Variants in DLG2 observed in about 807,000 individuals in gnomAD.
DLG2 encodes disks large homolog 2.
Under a neutral mutation model 132.5 loss-of-function variants are expected in DLG2, and 45 were observed. That is an observed-to-expected ratio of 0.34 (90% CI 0.27 to 0.44). DLG2 has a LOEUF of 0.44. Among genes scored for constraint, DLG2 ranks in the 20% least tolerant of loss-of-function variants. The pLI, the probability that DLG2 is intolerant of heterozygous loss-of-function variation, is 1.00. For missense variants in DLG2, 1,045 were observed against 1,196.9 expected (o/e 0.87, Z 1.87); for synonymous variants, 424 against 419.6 (o/e 1.01, Z -0.13).
chr11:83,518,760 A>G (rs767301518), intron 21 of DLG2, among the ~76,000 whole-genome samples: 12 of 152,246 alleles, frequency 7.9e-5, no homozygotes, highest in Non-Finnish European at 1.5e-4. Context: ...TCAGAGTCTT[A>G]GCATATATAT....
intron 7 of DLG2, among the ~76,000 whole-genome samples, chr11:84,366,154 A>C (rs2098681116): frequency 6.6e-6 from 1 of 152,098 alleles, no homozygotes; most frequent in Non-Finnish European, 1.5e-5. Context: ...GTGGGGGCCA[A>C]TATTCAACAT....
At chr11:84,523,256 C>T (rs547038456) in intron 7 of DLG2, among the ~76,000 whole-genome samples, 3 of 152,078 alleles carry the variant, frequency 2.0e-5, no homozygotes, top group East Asian at 1.9e-4. Context: ...AGACTTTCCA[C>T]GTATTATCTC....
intron 15 of DLG2, among the ~76,000 whole-genome samples, chr11:83,906,810 A>G (rs2075075334): frequency 6.6e-6 from 1 of 152,160 alleles, no homozygotes; most frequent in Non-Finnish European, 1.5e-5. Context: ...GCCTAAAAAT[A>G]TCCCCTGTCA....
At chr11:84,007,123 G>A (rs771603607) in intron 11 of DLG2, among the ~76,000 whole-genome samples, 30 of 151,630 alleles carry the variant, frequency 2.0e-4, no homozygotes, top group Non-Finnish European at 3.5e-4. Context: ...TTGCATCCTA[G>A]GAAAGAGTGG....
At chr11:85,346,837 C>T (rs1466698566) in intron 3 of DLG2, among the ~76,000 whole-genome samples, 1 of 151,806 alleles carries the variant, frequency 6.6e-6, no homozygotes, top group Non-Finnish European at 1.5e-5. Flanking sequence ...ATTCCCTTAA[C>T]AGGTGGGAGG....
rs566062552 is a variant in DLG2 at position 84,301,644 on chromosome 11, C to T, written c.520-50353G>A. 5.6e-4 allele frequency among the ~76,000 whole-genome samples: 59 copies of T among 104,892 alleles called. 1 individual carries two copies. The Admixed American group carries it at 7.5e-3, about 13-fold the overall frequency. 68.8% of individuals were successfully genotyped at this position (104,892 alleles called of 152,430 possible). On this transcript the variant is annotated intron_variant, in intron 7 of 27. Coordinates refer to ENST00000376104, the MANE Select transcript of DLG2 (RefSeq NM_001142699.3). ...ACTGCACTCCAGCCTGGGTGACAGG[C>T]GAGACTCAAAAAAAAAAAAAAAAAA...
chr11:85,095,881 T>A (rs1023573075), intron 6 of DLG2, among the ~76,000 whole-genome samples: 12 of 152,200 alleles, frequency 7.9e-5, no homozygotes, highest in African/African-American at 2.9e-4. Context: ...TTAATTCATT[T>A]CTCTTCTTCT....
chr11:83,971,049 T>C (rs1431456024), intron 12 of DLG2, among the ~76,000 whole-genome samples: 1 of 152,190 alleles, frequency 6.6e-6, no homozygotes, highest in African/African-American at 2.4e-5. Context: ...CTGGAGCTGA[T>C]TGTATGCAAT....
chr11:84,713,212 C>T (rs1015745019), intron 6 of DLG2, among the ~76,000 whole-genome samples: 5 of 152,090 alleles, frequency 3.3e-5, no homozygotes, highest in African/African-American at 9.6e-5. Context: ...GTGTATATTC[C>T]AAATCTAACC....
At chr11:84,839,239 C>T (rs192849512) in intron 6 of DLG2, among the ~76,000 whole-genome samples, 86 of 152,188 alleles carry the variant, frequency 5.7e-4, no homozygotes, top group African/African-American at 2.0e-3. Flanking sequence ...AATTCCCATT[C>T]ACAATTGCTG....
At chr11:84,208,410 C>T (rs1355544368) in intron 8 of DLG2, among the ~76,000 whole-genome samples, 1 of 144,738 alleles carries the variant, frequency 6.9e-6, no homozygotes, top group African/African-American at 2.6e-5. Context: ...GTGGTGCAAT[C>T]TCAGCCTACG....
rs555914719 is a variant in DLG2, at chr11:85,402,582, A to C, written c.41-117217T>G. Among the ~76,000 whole-genome samples, 3 of 152,330 alleles carry C rather than the reference A, an allele frequency of 2.0e-5. No individual in the cohort carries two copies. In the East Asian group the frequency reaches 5.8e-4, roughly 29 times the overall value. ...CTACAGAATGGGAGAAAATCTTTGC[A>C]ATCTACCCATCTGACAAAGGGCTAA... On this transcript the variant is annotated intron_variant, in intron 3 of 27. Coordinates refer to ENST00000376104, the MANE Select transcript of DLG2 (RefSeq NM_001142699.3).
chr11:84,625,046 G>A (rs1285264309), intron 6 of DLG2, among the ~76,000 whole-genome samples: 1 of 149,626 alleles, frequency 6.7e-6, no homozygotes, highest in Non-Finnish European at 1.5e-5. Context: ...ATTTTTAGTA[G>A]AGACGGGGTT....
intron 3 of DLG2, among the ~76,000 whole-genome samples, chr11:85,560,942 G>A (rs944583708): frequency 6.6e-6 from 1 of 151,594 alleles, no homozygotes; most frequent in African/African-American, 2.4e-5. Flanking sequence ...TGAGGTGGGA[G>A]GATTGCTTGA....
intron 19 of DLG2, among the ~76,000 whole-genome samples, chr11:83,616,082 G>A (rs2060760790): frequency 6.6e-6 from 1 of 151,984 alleles, no homozygotes; most frequent in Non-Finnish European, 1.5e-5. Context: ...TGCTATTATT[G>A]ATTTTCATTG....
chr11:85,345,331 C>A lies in DLG2; in HGVS notation c.41-59966G>T, dbSNP rs910594402. Among the ~76,000 whole-genome samples, 7 of 152,182 alleles carry A rather than the reference C, an allele frequency of 4.6e-5. No individual in the cohort carries two copies. The South Asian group carries it at 1.2e-3, about 27-fold the overall frequency. On this transcript the variant is annotated intron_variant, in intron 3 of 27. Transcript: ENST00000376104. ...TTGCTTAATTCTCCAAAGGGAGAAC[C>A]CCCGACTCCCCAATTCAAAAGAACA...
chr11:85,189,618 A>T (rs891269121), intron 4 of DLG2, among the ~76,000 whole-genome samples: 2 of 152,238 alleles, frequency 1.3e-5, no homozygotes, highest in African/African-American at 4.8e-5. Context: ...ATAGAGAGTT[A>T]GCAAAAGGAA....
chr11:84,563,646 G>C (rs1475480076), intron 6 of DLG2, among the ~76,000 whole-genome samples: 1 of 152,162 alleles, frequency 6.6e-6, no homozygotes, highest in Non-Finnish European at 1.5e-5. Context: ...CTCTAAAATC[G>C]GTCTTGTTCT....
In DLG2 at chr11:84,053,672, C is replaced by T. The variant is rs144684816; in HGVS notation, c.919+5643G>A. Among the ~76,000 whole-genome samples, 6 of 151,996 alleles carry T rather than the reference C, an allele frequency of 3.9e-5. No individual in the cohort carries two copies. The East Asian group carries it at 5.8e-4, about 15-fold the overall frequency. On this transcript the variant is annotated intron_variant, in intron 11 of 27. Coordinates refer to ENST00000376104, the MANE Select transcript of DLG2 (RefSeq NM_001142699.3). ...TTTAGATATAGCCATTTTGCAGATG[C>T]GGAAAGTGAGTCATAAAGTGGTTCA... is the stretch of plus-strand genomic sequence containing the variant.
Sources: allele counts gnomAD v4.1 joint callset (sites outside exome capture counted in the v4.1 genomes callset), GRCh38; gene constraint gnomAD v4.1.1; transcripts MANE v1.5; gene names NCBI Gene and HGNC (gene_info 2026-07-23, HGNC 2026-07-21).